The following ZBTB2 variants were observed in gnomAD, a reference collection of about 807,000 sequenced individuals.
ZBTB2 encodes the protein zinc finger and BTB domain-containing protein 2.
A neutral mutation model predicts 39.5 loss-of-function variants in ZBTB2; 2 were observed. The ratio of observed to expected loss-of-function variants is 0.05; its 90% confidence interval spans 0.02 to 0.16. The LOEUF (loss-of-function observed/expected upper bound fraction) is 0.16, where lower values mean the gene tolerates loss of function less well. Ranked by LOEUF, ZBTB2 falls within the 10% of genes least tolerant of loss-of-function variation. The pLI, the probability that ZBTB2 is intolerant of heterozygous loss-of-function variation, is 1.00. For synonymous variants in ZBTB2, 251 were observed against 256.6 expected (o/e 0.98, Z 0.21); for missense variants, 391 against 653.0 (o/e 0.60, Z 4.37).
chr6:151,370,041 T>C (rs1460270474), intron 2 of ZBTB2: 2 of 938,450 alleles, frequency 2.1e-6, no homozygotes, highest in Non-Finnish European at 1.3e-6. Flanking sequence ...CAGCTCACTA[T>C]GCGCCAGACT....
At chr6:151,367,359 G>A (rs956621760) in intron 2 of ZBTB2, among the ~76,000 whole-genome samples, 1 of 152,180 alleles carries the variant, frequency 6.6e-6, no homozygotes, top group Admixed American at 6.5e-5. Context: ...GACCTCAAGT[G>A]ATCAGCCCTC....
intron 1 of ZBTB2, among the ~76,000 whole-genome samples, chr6:151,376,921 A>G (rs762727854): frequency 3.9e-5 from 6 of 152,214 alleles, no homozygotes; most frequent in Admixed American, 6.5e-5. Flanking sequence ...AATTCCTAAT[A>G]ATCAAAAACT....
intron 1 of ZBTB2, among the ~76,000 whole-genome samples, chr6:151,374,063 C>CT (rs1778848840): frequency 6.6e-6 from 1 of 151,990 alleles, no homozygotes; most frequent in Non-Finnish European, 1.5e-5. Context: ...CAAATGGAGT[C>CT]TTTTAGTTTA....
intron 1 of ZBTB2, among the ~76,000 whole-genome samples, chr6:151,383,938 G>T (rs534765294): frequency 6.6e-6 from 1 of 152,226 alleles, no homozygotes; most frequent in South Asian, 2.1e-4. Flanking sequence ...ATGGCCTAGG[G>T]TTTAGTATTT....
At chr6:151,367,051 C>T (rs1356586082) in intron 2 of ZBTB2, among the ~76,000 whole-genome samples, 159 bp from the exon 3 acceptor site, 3 of 151,952 alleles carry the variant, frequency 2.0e-5, no homozygotes, top group South Asian at 2.1e-4. Flanking sequence ...AATCAAGAGA[C>T]GAAGTTCACG....
At chr6:151,384,262 C>T (rs1235353164) in intron 1 of ZBTB2, among the ~76,000 whole-genome samples, 1 of 152,110 alleles carries the variant, frequency 6.6e-6, no homozygotes, top group African/African-American at 2.4e-5. Flanking sequence ...GATTTTGGTC[C>T]ATATCTTAAA....
chr6:151,378,683 C>G (rs1468048844), intron 1 of ZBTB2, among the ~76,000 whole-genome samples: 1 of 152,150 alleles, frequency 6.6e-6, no homozygotes, highest in Non-Finnish European at 1.5e-5. Context: ...TGATATGCTC[C>G]CTGCCATGTC....
chr6:151,369,864 T>A (rs1229444866), intron 2 of ZBTB2, among the ~76,000 whole-genome samples: 1 of 152,126 alleles, frequency 6.6e-6, no homozygotes, highest in Non-Finnish European at 1.5e-5. Context: ...CCCCAGCTAC[T>A]GGGATCGCAC....
chr6:151,370,793 C>T (rs1422367240), intron 2 of ZBTB2, among the ~76,000 whole-genome samples: 1 of 152,194 alleles, frequency 6.6e-6, no homozygotes, highest in Non-Finnish European at 1.5e-5. Flanking sequence ...CTGGCCTTCA[C>T]CCTGAGTTTG....
Position 151,364,506 on chromosome 6 carries a change from A to G in ZBTB2, c.*1015T>C, listed in dbSNP as rs1270560039. 6.6e-6 allele frequency: 1 copy of G among 152,310 alleles called. No individual in the cohort carries two copies. Among genetic ancestry groups the G allele is most frequent in the African/African-American group, 2.4e-5 (1 of 41,458 alleles). 9.4% of individuals were successfully genotyped at this position (152,310 alleles called of 1,614,324 possible). On this transcript the variant is annotated 3_prime_UTR_variant, in exon 3 of 3. Transcript: ENST00000325144. ...TTTGCCATTTATTTTTGATGCTTCAATTAATGTTGCCAGTAAACTATCAGC... is the reference window on the plus strand; with the variant it reads ...TTTGCCATTTATTTTTGATGCTTCAGTTAATGTTGCCAGTAAACTATCAGC...
chr6:151,369,701 A>C (rs1262611717), intron 2 of ZBTB2, among the ~76,000 whole-genome samples: 1 of 152,116 alleles, frequency 6.6e-6, no homozygotes, highest in Non-Finnish European at 1.5e-5. Flanking sequence ...GGCTGGGCGC[A>C]GTGGCTAATG....
intron 2 of ZBTB2, among the ~76,000 whole-genome samples, chr6:151,371,680 A>C (rs769709180): frequency 6.6e-6 from 1 of 152,196 alleles, no homozygotes; most frequent in Non-Finnish European, 1.5e-5. Context: ...TGTTATTTTA[A>C]TATGCACTGG....
chr6:151,366,368 G>A lies in ZBTB2; in HGVS notation c.698C>T (p.Ser233Phe). The part of the protein sequence containing the change: ...EASSSDEQPA[S>F]LTIAHVKPSI... The stretch of plus-strand genomic sequence containing the variant: ...TGGCTTGACGTGGGCTATTGTGAGG[G>A]ACGCAGGCTGCTCATCGGAGGAAGA... Residue 233 changes from serine (S) to phenylalanine (F), a missense_variant, in exon 3 of 3, where the codon TCC becomes TTC. Ser to Phe is a radical substitution (Grantham distance 155). Around this residue, in one of 7 missense-constraint regions of ZBTB2, gnomAD observed 175 missense variants for 198.6 expected, o/e 0.88. Coordinates refer to ENST00000325144, the MANE Select transcript of ZBTB2 (RefSeq NM_020861.3). This position sits in a 1 kb window ranked among gnomAD's most constrained non-coding sequence, Gnocchi z 7.1. 1 of 1,614,144 alleles carries A rather than the reference G, an allele frequency of 6.2e-7. No homozygotes were observed. Among genetic ancestry groups the A allele is most frequent in the Non-Finnish European group, 8.5e-7 (1 of 1,180,032 alleles).
rs755594555 is a variant in ZBTB2, at chr6:151,365,573, T to A, written c.1493A>T (p.His498Leu). Residue 498 changes from histidine (H) to leucine (L), a missense_variant, in exon 3 of 3, where the codon CAC (histidine) becomes CTC (leucine). His to Leu is a moderately conservative substitution (Grantham distance 99). Around this residue, in one of 7 missense-constraint regions of ZBTB2, gnomAD observed 49 missense variants for 55.6 expected, o/e 0.88. Coordinates refer to ENST00000325144, the MANE Select transcript of ZBTB2 (RefSeq NM_020861.3). This position sits in a 1 kb window ranked among gnomAD's most constrained non-coding sequence, Gnocchi z 5.6. The part of the protein sequence containing the change: ...SGDSEVTEPD[H>L]PVLASIKKEQ... ...CTTTTTGATGGAAGCTAACACTGGG[T>A]GGTCAGGCTCCGTTACTTCCGAGTC... is the stretch of plus-strand genomic sequence containing the variant. 2 of 1,614,112 alleles carry A rather than the reference T, an allele frequency of 1.2e-6. No homozygotes were observed. Among genetic ancestry groups the A allele is most frequent in the South Asian group, 2.2e-5 (2 of 91,088 alleles).
intron 1 of ZBTB2, among the ~76,000 whole-genome samples, chr6:151,377,572 G>A (rs953290553): frequency 7.1e-5 from 9 of 125,966 alleles, no homozygotes; most frequent in East Asian, 2.2e-4. Flanking sequence ...ATCGAGTCTC[G>A]CTCTGTTGCC....
Position 151,380,647 on chromosome 6 carries a change from C to T in ZBTB2, c.-12-6998G>A, listed in dbSNP as rs118000644. On this transcript the variant is annotated intron_variant, in intron 1 of 2. Coordinates refer to ENST00000325144, the MANE Select transcript of ZBTB2 (RefSeq NM_020861.3). ...CTCAGTGGCTTACTCAGCCTCTTGG[C>T]GGCATTTTGTACTCTTCCTCCCGCT... Among the ~76,000 whole-genome samples the T allele has an allele frequency of 9.2e-3, 1,398 of 152,272 alleles. 13 individuals carry two copies. The highest frequency in any genetic ancestry group is 0.014 in the Admixed American group (218 of 15,286).
At chr6:151,373,870 A>AAAAAAAAAAAAAAACAAAAC (rs1778843577) in intron 1 of ZBTB2, among the ~76,000 whole-genome samples, 1 of 123,566 alleles carries the variant, frequency 8.1e-6, no homozygotes, top group African/African-American at 3.6e-5. Context: ...AAAAAAAAAA[A>AAAAAAAAAAAAAAACAAAAC]AAAAAAACCA....
intron 2 of ZBTB2, among the ~76,000 whole-genome samples, chr6:151,367,797 G>A (rs537078469): frequency 5.9e-5 from 9 of 152,332 alleles, no homozygotes; most frequent in Non-Finnish European, 7.3e-5. Flanking sequence ...ACCTAAAGCC[G>A]TTGAAGATGC....
At chr6:151,390,327 T>G (rs1779258242) in intron 1 of ZBTB2, among the ~76,000 whole-genome samples, 1 of 127,224 alleles carries the variant, frequency 7.9e-6, no homozygotes, top group Non-Finnish European at 1.6e-5. Flanking sequence ...TCTGGCCCCC[T>G]CCGGTCTCGC....
Sources: gnomAD v4.1 joint callset for allele counts (sites outside exome capture counted in the v4.1 genomes callset) on GRCh38, gnomAD v4.1.1 for gene constraint, gnomAD v4.1.1 regional missense constraint, Gnocchi (gnomAD v3.1) non-coding constraint, MANE v1.5 for transcripts, NCBI Gene and HGNC (gene_info 2026-07-23, HGNC 2026-07-21) for gene names.